Variants in RNMT observed in about 807,000 individuals in gnomAD.
RNMT encodes the protein RNA guanine-7 methyltransferase, also known as mRNA cap guanine-N(7) methyltransferase.
Under a neutral mutation model 56.0 loss-of-function variants are expected in RNMT, and 27 were observed. The ratio of observed to expected loss-of-function variants is 0.48; its 90% CI spans 0.36 to 0.67. The LOEUF (loss-of-function observed/expected upper bound fraction) is 0.67, where lower values mean the gene tolerates loss of function less well. Ranked by LOEUF, RNMT falls within the 30% of genes least tolerant of loss-of-function variation. The probability of loss-of-function intolerance (pLI) is 0.00; values close to 1 mark genes in which losing one functional copy is unlikely to be tolerated. For synonymous variants in RNMT, 184 were observed against 176.2 expected, an observed-to-expected ratio of 1.04 and a Z score of -0.35; for missense variants, 519 against 552.1, an observed-to-expected ratio of 0.94 and a Z score of 0.60.
rs1458511487 is a variant in RNMT, at chr18:13,743,357, T to A, written c.1139+705T>A. ...ATAAATAAATAAATAAATAAATAAA[T>A]AAATAAATAAATAAATCAAAGATCC... On this transcript the variant is annotated intron_variant, in intron 8 of 11. Transcript: ENST00000383314. 2.1e-4 allele frequency among the ~76,000 whole-genome samples: 32 copies of A among 148,930 alleles called. 1 individual carries two copies. The South Asian group carries it at 6.1e-3, about 29-fold the overall frequency.
chr18:13,743,708 T>C (rs2044297568), intron 8 of RNMT, among the ~76,000 whole-genome samples: 1 of 152,060 alleles, frequency 6.6e-6, no homozygotes, highest in African/African-American at 2.4e-5. Context: ...CAAAAATCTT[T>C]TGTTTTGAAT....
chr18:13,736,797 C>A (rs1029745512), intron 4 of RNMT, among the ~76,000 whole-genome samples: 1 of 152,100 alleles, frequency 6.6e-6, no homozygotes, highest in East Asian at 1.9e-4. Flanking sequence ...TTCCAAAACA[C>A]CAGACACGTA....
chr18:13,752,200 GT>G, intron 9 of RNMT, 125 bp from the exon 10 acceptor site: 1 of 620,556 alleles, frequency 1.6e-6, no homozygotes, highest in Non-Finnish European at 2.8e-6. Flanking sequence ...AGTATGTATA[GT>G]TTGTATTCCT....
At chr18:13,746,133 T>C (rs1673783689) in intron 8 of RNMT, 87 bp from the exon 9 acceptor site, 1 of 707,198 alleles carries the variant, frequency 1.4e-6, no homozygotes, top group Middle Eastern at 4.0e-4. Flanking sequence ...TTTAGTTAAG[T>C]CCAGAAGATG....
chr18:13,761,486 CT>C lies in RNMT; in HGVS notation c.*1508del. The C allele has an allele frequency of 1.0e-6, 1 of 986,480 alleles. No individual in the cohort carries two copies. The highest frequency in any genetic ancestry group is 1.2e-6 in the Non-Finnish European group (1 of 830,578). The allele number at this position is 986,480 out of a possible 1,614,324, so 61.1% of individuals were successfully genotyped here. Reference sequence around the variant, plus strand: ...AGGAAAAACATCATCATTATTTCCTCTGTTCACATTTACTGGTCTTAATTAA... The same window carrying C: ...AGGAAAAACATCATCATTATTTCCTCGTTCACATTTACTGGTCTTAATTAA... On this transcript the variant is annotated 3_prime_UTR_variant, in exon 12 of 12. Coordinates refer to ENST00000383314, the MANE Select transcript of RNMT (RefSeq NM_003799.3).
intron 6 of RNMT, among the ~76,000 whole-genome samples, chr18:13,740,883 A>G (rs1487116228): frequency 6.6e-6 from 1 of 152,162 alleles, no homozygotes; most frequent in East Asian, 1.9e-4. Context: ...CTGAACTTAT[A>G]CTATGTTTTG....
At chr18:13,753,024 G>C (rs2149104256) in intron 10 of RNMT, among the ~76,000 whole-genome samples, 1 of 152,138 alleles carries the variant, frequency 6.6e-6, no homozygotes, top group South Asian at 2.1e-4. Flanking sequence ...TTAATATTTT[G>C]ATAGCTACAT....
chr18:13,742,686 T>C, intron 8 of RNMT, 34 bp downstream of exon 8: 1 of 1,531,788 alleles, frequency 6.5e-7, no homozygotes, highest in Non-Finnish European at 8.8e-7. Context: ...CTCTTTTCTT[T>C]TTGTCTTAAG....
chr18:13,734,642 A>G lies in RNMT; in HGVS notation c.553+43A>G, dbSNP rs766978221. 16 of 1,483,898 alleles carry G rather than the reference A, an allele frequency of 1.1e-5. No homozygotes were observed. The East Asian group carries it at 1.9e-4, about 18-fold the overall frequency. The allele number at this position is 1,483,898 out of a possible 1,614,324, so 91.9% of individuals were successfully genotyped here. On this transcript the variant is annotated intron_variant, in intron 4 of 11. Transcript: ENST00000383314. The stretch of plus-strand genomic sequence containing the variant: ...GCTACTGAGTCTTTAATTCCTATTC[A>G]TTTAATTATCAAACCTTGACTTTAT...
chr18:13,731,958 A>G (rs764367842), intron 3 of RNMT, 24 bp downstream of exon 3: 8 of 1,543,786 alleles, frequency 5.2e-6, no homozygotes, highest in Non-Finnish European at 6.1e-6. Context: ...ATTTTCATTT[A>G]TTCATAATAG....
In RNMT at chr18:13,763,687, CAT is replaced by C. The variant is rs2044645944; in HGVS notation, c.*3710_*3711del. On this transcript the variant is annotated 3_prime_UTR_variant, in exon 12 of 12. Transcript: ENST00000383314. ...CATTTTAATGATGAGGAAACTGAGT[CAT>C]AGAGGATACAGACTTGCCCAAAGGA... 1.3e-5 allele frequency: 2 copies of C among 153,270 alleles called. No individual in the cohort carries two copies. The highest frequency in any genetic ancestry group is 1.5e-5 in the Non-Finnish European group (1 of 68,738). 9.5% of individuals were successfully genotyped at this position (153,270 alleles called of 1,614,324 possible). A position where few individuals can be genotyped will look rare whatever the true frequency, so the allele number is the denominator to read the frequency against.
At chr18:13,735,332 T>C (rs925582490) in intron 4 of RNMT, among the ~76,000 whole-genome samples, 5 of 152,200 alleles carry the variant, frequency 3.3e-5, no homozygotes, top group African/African-American at 1.2e-4. Context: ...TTACTAATTT[T>C]CAAAGATAAA....
intron 10 of RNMT, among the ~76,000 whole-genome samples, chr18:13,753,249 A>G (rs1372663263): frequency 1.3e-5 from 2 of 152,016 alleles, no homozygotes; most frequent in African/African-American, 4.8e-5. Flanking sequence ...CAGGTGGATC[A>G]TGAGGTCAGG....
chr18:13,751,218 C>T (rs2044438792), intron 9 of RNMT, among the ~76,000 whole-genome samples: 1 of 152,148 alleles, frequency 6.6e-6, no homozygotes, highest in Admixed American at 6.6e-5. Context: ...TTGCCGTCTA[C>T]CCATCTGATA....
chr18:13,741,468 TGTA>T (rs761684825), intron 6 of RNMT, 39 bp from the exon 7 acceptor site: 7 of 1,422,920 alleles, frequency 4.9e-6, no homozygotes, highest in Non-Finnish European at 2.9e-6. Context: ...TAATCTTTGT[TGTA>T]GTTACCTCAC....
chr18:13,728,346 G>T lies in RNMT; in HGVS notation c.-172+1617G>T, dbSNP rs376574754. Among the ~76,000 whole-genome samples, 10 of 34,638 alleles carry T rather than the reference G, an allele frequency of 2.9e-4. 1 individual carries two copies. The highest frequency in any genetic ancestry group is 4.5e-4 in the African/African-American group (2 of 4,468). 22.7% of individuals were successfully genotyped at this position (34,638 alleles called of 152,430 possible). A position where few individuals can be genotyped will look rare whatever the true frequency, so the allele number is the denominator to read the frequency against. Reference sequence around the variant, plus strand: ...TTTTTTTTTTTGTGTGTGTGTGTGTGTGTGTGTGTGACGGAGCCTTGCTCT... The same window carrying T: ...TTTTTTTTTTTGTGTGTGTGTGTGTTTGTGTGTGTGACGGAGCCTTGCTCT... On this transcript the variant is annotated intron_variant, in intron 1 of 11. Coordinates refer to ENST00000383314, the MANE Select transcript of RNMT (RefSeq NM_003799.3).
intron 8 of RNMT, 32 bp downstream of exon 8, chr18:13,742,684 T>C: frequency 6.5e-7 from 1 of 1,532,022 alleles, no homozygotes; most frequent in Non-Finnish European, 8.8e-7. Flanking sequence ...CACTCTTTTC[T>C]TTTTGTCTTA....
chr18:13,760,159 G>T lies in RNMT; in HGVS notation c.*180G>T. The T allele has an allele frequency of 2.3e-6, 3 of 1,320,864 alleles. No homozygotes were observed. Among genetic ancestry groups the T allele is most frequent in the Non-Finnish European group, 2.9e-6 (3 of 1,036,002 alleles). 81.8% of individuals were successfully genotyped at this position (1,320,864 alleles called of 1,614,324 possible). On this transcript the variant is annotated 3_prime_UTR_variant, in exon 12 of 12. Transcript: ENST00000383314. ...GTCTGTGACAGATGAACTTTTGCAT[G>T]TGTATATAAGAATGAGTTGGGACCT...
At chr18:13,728,716 G>T (rs767707210) in intron 1 of RNMT, among the ~76,000 whole-genome samples, 8 of 151,944 alleles carry the variant, frequency 5.3e-5, no homozygotes, top group Non-Finnish European at 1.0e-4. Context: ...GTTTTGACTT[G>T]CATTTCCCTG....
Sources: allele counts gnomAD v4.1 joint callset (sites outside exome capture counted in the v4.1 genomes callset), GRCh38; gene constraint gnomAD v4.1.1; transcripts MANE v1.5; gene names NCBI Gene and HGNC (gene_info 2026-07-23, HGNC 2026-07-21).